MRTFA: variants seen among roughly 807,000 people sequenced by gnomAD.
MRTFA encodes the protein myocardin-related transcription factor A.
In MRTFA, 20 loss-of-function variants were observed where a neutral mutation model predicts 83.5. That is an observed-to-expected ratio of 0.24 (90% CI 0.17 to 0.35). The LOEUF (loss-of-function observed/expected upper bound fraction) is 0.35, where lower values mean the gene tolerates loss of function less well. MRTFA is among the 10% of genes least tolerant of loss of function. The pLI is 1.00. For synonymous variants in MRTFA, 659 were observed against 541.2 expected, an observed-to-expected ratio of 1.22 and a Z score of -3.02; for missense variants, 1,200 against 1,224.7, an observed-to-expected ratio of 0.98 and a Z score of 0.30.
At chr22:40,630,177 A>G (rs79194271) in intron 1 of MRTFA, among the ~76,000 whole-genome samples, 1 of 151,966 alleles carries the variant, frequency 6.6e-6, no homozygotes, top group African/African-American at 2.4e-5. Context: ...TTAGCTGGGC[A>G]TGGTGGCACA....
At chr22:40,429,391 G>C (rs1264964302) in intron 7 of MRTFA, 2 of 689,120 alleles carry the variant, frequency 2.9e-6, no homozygotes, top group Admixed American at 2.2e-5. Context: ...ATTTATTGTT[G>C]TATGTCCCTG....
intron 3 of MRTFA, among the ~76,000 whole-genome samples, chr22:40,525,090 G>A (rs2054943626): frequency 6.6e-6 from 1 of 152,130 alleles, no homozygotes; most frequent in Non-Finnish European, 1.5e-5. Context: ...GATTACAGGG[G>A]TGAGTCACTG....
At chr22:40,599,614 T>C (rs1205841788) in intron 1 of MRTFA, among the ~76,000 whole-genome samples, 3 of 151,816 alleles carry the variant, frequency 2.0e-5, no homozygotes, top group Non-Finnish European at 2.9e-5. Flanking sequence ...AAAAGGAAAG[T>C]TGCCAGGCAC....
chr22:40,465,636 C>A (rs979596581), intron 3 of MRTFA, among the ~76,000 whole-genome samples: 4 of 152,274 alleles, frequency 2.6e-5, no homozygotes, highest in Admixed American at 2.0e-4. Context: ...TCTCAGCTCA[C>A]CAAGGCCTTG....
At chr22:40,565,872 A>T (rs533088830) in intron 2 of MRTFA, among the ~76,000 whole-genome samples, 138 of 152,302 alleles carry the variant, frequency 9.1e-4, no homozygotes, top group African/African-American at 3.2e-3. Flanking sequence ...GAGGCACTGT[A>T]TGTGTATGCA....
intron 1 of MRTFA, among the ~76,000 whole-genome samples, chr22:40,616,251 G>T (rs1030314238): frequency 3.3e-5 from 5 of 152,144 alleles, no homozygotes; most frequent in Non-Finnish European, 7.3e-5. Flanking sequence ...ATTTGCCACA[G>T]TTCCTACCAC....
intron 2 of MRTFA, among the ~76,000 whole-genome samples, chr22:40,582,173 G>A (rs970723367): frequency 6.6e-6 from 1 of 152,096 alleles, no homozygotes; most frequent in African/African-American, 2.4e-5. Context: ...TACAGTATGT[G>A]GTCCTTTATG....
chr22:40,440,227 T>C (rs1174083418), intron 4 of MRTFA, among the ~76,000 whole-genome samples: 3 of 150,656 alleles, frequency 2.0e-5, no homozygotes, highest in Non-Finnish European at 3.0e-5. Flanking sequence ...ATAGTAATAA[T>C]AACATTATAA....
intron 1 of MRTFA, among the ~76,000 whole-genome samples, chr22:40,598,910 G>A (rs1401437961): frequency 6.6e-6 from 1 of 150,830 alleles, no homozygotes; most frequent in Non-Finnish European, 1.5e-5. Context: ...ACAACTGCTT[G>A]AACCCGGGAG....
intron 4 of MRTFA, among the ~76,000 whole-genome samples, chr22:40,451,985 T>G (rs1161137618): frequency 2.6e-5 from 3 of 115,834 alleles, no homozygotes; most frequent in Non-Finnish European, 5.7e-5. Context: ...GTTTTTTTTT[T>G]TTTTTTTTTT....
At chr22:40,436,281 C>T (rs2147102168) in intron 4 of MRTFA, 1 of 154,494 alleles carries the variant, frequency 6.5e-6, no homozygotes, top group South Asian at 2.0e-4. Flanking sequence ...GCCAAATTAA[C>T]CTTACTTCCT....
intron 3 of MRTFA, among the ~76,000 whole-genome samples, chr22:40,521,104 G>T (rs1417472375): frequency 6.6e-6 from 1 of 152,068 alleles, no homozygotes; most frequent in African/African-American, 2.4e-5. Context: ...AATACAAAGA[G>T]CTCATGTATC....
intron 2 of MRTFA, among the ~76,000 whole-genome samples, chr22:40,592,674 G>T (rs1269106819): frequency 6.6e-6 from 1 of 151,778 alleles, no homozygotes; most frequent in African/African-American, 2.4e-5. Context: ...GGTGTTTTTT[G>T]TAGAGACAGG....
At chr22:40,497,397 CA>C (rs1441440024) in intron 3 of MRTFA, among the ~76,000 whole-genome samples, 1 of 152,142 alleles carries the variant, frequency 6.6e-6, no homozygotes, top group Admixed American at 6.5e-5. Context: ...ATTTGGACAG[CA>C]GTGTGGAAAC....
chr22:40,609,878 T>C (rs993366529), intron 1 of MRTFA, among the ~76,000 whole-genome samples: 1 of 152,078 alleles, frequency 6.6e-6, no homozygotes, highest in Non-Finnish European at 1.5e-5. Flanking sequence ...AAATAATATA[T>C]TCTGAAAGGC....
At chr22:40,452,639 G>A (rs1207723542) in intron 4 of MRTFA, among the ~76,000 whole-genome samples, 3 of 151,606 alleles carry the variant, frequency 2.0e-5, no homozygotes, top group African/African-American at 4.8e-5. Flanking sequence ...GTGAAACCTC[G>A]TCTCTACTAA....
At chr22:40,466,969 GTA>G (rs3044527) in intron 3 of MRTFA, among the ~76,000 whole-genome samples, 12 of 150,026 alleles carry the variant, frequency 8.0e-5, no homozygotes, top group Middle Eastern at 3.5e-3. Flanking sequence ...TATTATGCAT[GTA>G]TATATATATA....
At chr22:40,523,182 C>T (rs2147262345) in intron 3 of MRTFA, among the ~76,000 whole-genome samples, 1 of 151,768 alleles carries the variant, frequency 6.6e-6, no homozygotes, top group Admixed American at 6.6e-5. Context: ...AGAACTATAC[C>T]AGGAGCAGGT....
intron 1 of MRTFA, among the ~76,000 whole-genome samples, chr22:40,601,006 C>G (rs1042347659): frequency 1.3e-5 from 2 of 152,054 alleles, no homozygotes; most frequent in East Asian, 1.9e-4. Flanking sequence ...AACAAAAAAA[C>G]TACAATCTCA....
Sources: allele counts gnomAD v4.1 joint callset (sites outside exome capture counted in the v4.1 genomes callset), GRCh38; gene constraint gnomAD v4.1.1; transcripts MANE v1.5; gene names NCBI Gene and HGNC (gene_info 2026-07-23, HGNC 2026-07-21).